The following KYNU variants were observed in gnomAD, a reference collection of about 807,000 sequenced individuals.
KYNU encodes the protein kynureninase, also known as L-kynurenine hydrolase.
KYNU carries 54 observed loss-of-function variants against 59.2 expected under a neutral mutation model. That is an observed-to-expected ratio of 0.91 (90% CI 0.73 to 1.14). The LOEUF (loss-of-function observed/expected upper bound fraction) is 1.14. Ranked by LOEUF, KYNU falls within the 50% of genes most tolerant of loss-of-function variation. KYNU has a pLI of 0.00. For missense variants in KYNU, 567 were observed against 554.4 expected (o/e 1.02, Z -0.23); for synonymous variants, 177 against 192.0 (o/e 0.92, Z 0.65).
chr2:142,897,115 G>A (rs1681904558), intron 2 of KYNU, among the ~76,000 whole-genome samples: 1 of 152,236 alleles, frequency 6.6e-6, no homozygotes, highest in Middle Eastern at 3.4e-3. Context: ...ATTGTATTGT[G>A]GTTAGAAAAC....
rs973989789 is a variant in KYNU at position 143,051,999 on chromosome 2, G to C, written c.*9827G>C. The stretch of plus-strand genomic sequence containing the variant: ...GTTGAATGGCTTTAACCAAAATGCT[G>C]ATAATAATATGAACAATGAAGTCCA... On this transcript the variant is annotated 3_prime_UTR_variant, in exon 14 of 14. Transcript: ENST00000264170. 1.3e-5 allele frequency: 2 copies of C among 152,456 alleles called. No homozygotes were observed. Among genetic ancestry groups the C allele is most frequent in the Non-Finnish European group, 2.9e-5 (2 of 68,256 alleles). The allele number at this position is 152,456 out of a possible 1,614,324, so 9.4% of individuals were successfully genotyped here. A position where few individuals can be genotyped will look rare whatever the true frequency, so the allele number is the denominator to read the frequency against.
chr2:142,945,144 A>T (rs1195109472), intron 4 of KYNU, among the ~76,000 whole-genome samples: 2 of 152,196 alleles, frequency 1.3e-5, no homozygotes, highest in African/African-American at 2.4e-5. Flanking sequence ...TTAAAATAAG[A>T]TAGCAATCAC....
intron 8 of KYNU, among the ~76,000 whole-genome samples, chr2:142,961,238 G>A (rs573522648): frequency 3.8e-5 from 5 of 131,790 alleles, no homozygotes; most frequent in Admixed American, 1.5e-4. Flanking sequence ...AAGAAAATCT[G>A]TAATCTTTTT....
intron 10 of KYNU, among the ~76,000 whole-genome samples, chr2:142,996,372 C>T (rs558311965): frequency 9.2e-5 from 14 of 152,090 alleles, no homozygotes; most frequent in Non-Finnish European, 1.8e-4. Flanking sequence ...AGAATTATGA[C>T]ATTTTCAAAG....
chr2:143,016,892 C>G (rs183916915), intron 10 of KYNU, among the ~76,000 whole-genome samples: 1,563 of 152,254 alleles, frequency 0.01, 12 homozygotes, highest in Middle Eastern at 0.02. Context: ...AATCCCCTCC[C>G]TCTCTCCTCG....
intron 10 of KYNU, among the ~76,000 whole-genome samples, chr2:143,011,368 A>G (rs1372161630): frequency 7.8e-6 from 1 of 128,266 alleles, no homozygotes; most frequent in Non-Finnish European, 1.6e-5. Context: ...ATGAGATACC[A>G]TCTCACACCA....
chr2:142,948,032 C>G (rs1214276747), intron 4 of KYNU: 1 of 152,142 alleles, frequency 6.6e-6, no homozygotes, highest in Non-Finnish European at 1.5e-5. Context: ...TTTTTAAGAT[C>G]TAATAATTGT....
At chr2:142,994,217 C>T (rs1382119498) in intron 10 of KYNU, among the ~76,000 whole-genome samples, 2 of 151,874 alleles carry the variant, frequency 1.3e-5, no homozygotes, top group African/African-American at 4.8e-5. Context: ...TTGTAATAAT[C>T]CATGCTGTGT....
intron 10 of KYNU, among the ~76,000 whole-genome samples, chr2:142,999,277 G>C (rs183702910): frequency 6.6e-6 from 1 of 152,152 alleles, no homozygotes; most frequent in Non-Finnish European, 1.5e-5. Context: ...AAGAATTTTA[G>C]AGCCTTCATT....
At chr2:142,931,091 G>A (rs774767800) in intron 4 of KYNU, among the ~76,000 whole-genome samples, 12 of 152,192 alleles carry the variant, frequency 7.9e-5, no homozygotes, top group Non-Finnish European at 1.8e-4. Context: ...TTCCGGCCAG[G>A]GTAGCTGTCT....
intron 4 of KYNU, among the ~76,000 whole-genome samples, chr2:142,934,283 G>A (rs1253415756): frequency 6.6e-6 from 1 of 152,146 alleles, no homozygotes; most frequent in Non-Finnish European, 1.5e-5. Context: ...TTGTGACTGA[G>A]GGTGTGGAAG....
In KYNU at chr2:143,040,583, G is replaced by A; in HGVS notation, c.1197G>A (p.Arg399=). The A allele has an allele frequency of 6.2e-7, 1 of 1,612,492 alleles. No individual in the cohort carries two copies. The highest frequency in any genetic ancestry group is 2.2e-5 in the East Asian group (1 of 44,838). The change falls in exon 13 of 14, where the codon CGG becomes CGA. Residue 399 remains arginine (R), a synonymous_variant. Transcript: ENST00000264170. The stretch of plus-strand genomic sequence containing the variant: ...TTACTCCGTCTCATGTAGAGGAGCG[G>A]GGGTGCCAGCTAACAATAACATTTT... ...NIITPSHVEE[R]GCQLTITFSV...
At chr2:142,953,237 CCGCGTATGACTT>C (rs1364156179) in intron 4 of KYNU, among the ~76,000 whole-genome samples, 1 of 152,196 alleles carries the variant, frequency 6.6e-6, no homozygotes, top group Non-Finnish European at 1.5e-5. Context: ...CCATTACCCA[CCGCGTATGACTT>C]ATATGTAAAA....
chr2:142,883,196 T>C (rs1281976944), intron 1 of KYNU, among the ~76,000 whole-genome samples: 4 of 128,756 alleles, frequency 3.1e-5, no homozygotes, highest in Admixed American at 7.9e-5. Flanking sequence ...CTTTTTTTTT[T>C]TTTTTTTTTT....
intron 2 of KYNU, among the ~76,000 whole-genome samples, chr2:142,900,191 T>G (rs4662307): frequency 3.3e-5 from 5 of 151,970 alleles, no homozygotes; most frequent in Admixed American, 3.3e-4. Context: ...GCCTTTAGCC[T>G]GATCAGGAGT....
intron 1 of KYNU, among the ~76,000 whole-genome samples, chr2:142,882,405 G>A (rs770780434): frequency 4.0e-5 from 6 of 151,490 alleles, no homozygotes; most frequent in Non-Finnish European, 5.9e-5. Context: ...ATGTATATAT[G>A]TGCCATGTCA....
intron 10 of KYNU, among the ~76,000 whole-genome samples, chr2:143,006,204 G>T (rs1054415660): frequency 6.6e-6 from 1 of 152,038 alleles, no homozygotes. Flanking sequence ...TGCACGCACC[G>T]TGCGCGAGCC....
intron 8 of KYNU, among the ~76,000 whole-genome samples, chr2:142,966,456 C>G (rs1395989091): frequency 6.6e-6 from 1 of 152,198 alleles, no homozygotes; most frequent in Non-Finnish European, 1.5e-5. Flanking sequence ...TTGACTAACA[C>G]TCAGTCCATG....
At chr2:142,927,528 C>A in intron 3 of KYNU, 131 bp from the exon 4 acceptor site, 6 of 650,578 alleles carry the variant, frequency 9.2e-6, no homozygotes, top group South Asian at 2.0e-5. Context: ...TTAAAAAGGC[C>A]TGATTTTATA....
Sources: gnomAD v4.1 joint callset for allele counts (sites outside exome capture counted in the v4.1 genomes callset) on GRCh38, gnomAD v4.1.1 for gene constraint, MANE v1.5 for transcripts, NCBI Gene and HGNC (gene_info 2026-07-23, HGNC 2026-07-21) for gene names.